SLC7A7: variants seen among roughly 807,000 people sequenced by gnomAD.
SLC7A7 encodes Y+L amino acid transporter 1.
Under a neutral mutation model 47.9 loss-of-function variants are expected in SLC7A7, and 39 were observed. The ratio of observed to expected loss-of-function variants is 0.81; its 90% CI spans 0.63 to 1.06. The LOEUF (loss-of-function observed/expected upper bound fraction) is 1.06. SLC7A7 is among the 50% of genes least tolerant of loss of function. SLC7A7 has a pLI of 0.00. For missense variants in SLC7A7, 588 were observed against 632.0 expected, an observed-to-expected ratio of 0.93 and a Z score of 0.75; for synonymous variants, 234 against 242.8, an observed-to-expected ratio of 0.96 and a Z score of 0.34.
intron 2 of SLC7A7, among the ~76,000 whole-genome samples, chr14:22,810,292 C>G (rs1480945606): frequency 1.3e-5 from 2 of 151,010 alleles, no homozygotes; most frequent in Non-Finnish European, 3.0e-5. Flanking sequence ...TGGAGAAACC[C>G]CATCTCTACT....
intron 1 of SLC7A7, 140 bp from the exon 2 acceptor site, chr14:22,813,580 A>AT: frequency 1.5e-6 from 1 of 679,172 alleles, no homozygotes; most frequent in Non-Finnish European, 2.6e-6. Context: ...CAGCTCACTC[A>AT]TCAAAACAAC....
chr14:22,804,463 A>G (rs568404487), intron 2 of SLC7A7, among the ~76,000 whole-genome samples: 12 of 152,212 alleles, frequency 7.9e-5, no homozygotes, highest in Non-Finnish European at 1.5e-4. Context: ...CAATCTATCC[A>G]TCTGAAAAAG....
At chr14:22,809,044 G>A (rs1387209992) in intron 2 of SLC7A7, among the ~76,000 whole-genome samples, 1 of 152,206 alleles carries the variant, frequency 6.6e-6, no homozygotes, top group Non-Finnish European at 1.5e-5. Context: ...CACAAGTGCT[G>A]TGCACCTTTC....
intron 1 of SLC7A7, chr14:22,814,687 G>A (rs2039378909): frequency 6.5e-6 from 1 of 152,830 alleles, no homozygotes; most frequent in South Asian, 2.1e-4. Context: ...ACAACATTAG[G>A]AACTGACCCT....
chr14:22,798,415 T>C (rs1489176274), intron 2 of SLC7A7, among the ~76,000 whole-genome samples: 2 of 152,174 alleles, frequency 1.3e-5, no homozygotes, highest in South Asian at 2.1e-4. Flanking sequence ...TTCCACGCTG[T>C]TCACCACCAT....
chr14:22,811,087 G>A (rs146857481), intron 2 of SLC7A7, among the ~76,000 whole-genome samples: 1 of 152,282 alleles, frequency 6.6e-6, no homozygotes, highest in Non-Finnish European at 1.5e-5. Context: ...GCAGAGATGA[G>A]TCCAGGCCAG....
chr14:22,813,514 A>G, intron 1 of SLC7A7, 74 bp from the exon 2 acceptor site: 1 of 1,327,680 alleles, frequency 7.5e-7, no homozygotes, highest in Non-Finnish European at 1.1e-6. Context: ...CCTCCAACAC[A>G]GGGTAATACG....
At chr14:22,784,022 A>G (rs1258769286) in intron 2 of SLC7A7, among the ~76,000 whole-genome samples, 1 of 152,180 alleles carries the variant, frequency 6.6e-6, no homozygotes, top group Non-Finnish European at 1.5e-5. Context: ...TCCCCACCTC[A>G]GCGGATACAG....
chr14:22,778,533 C>T (rs1396176066), intron 4 of SLC7A7, among the ~76,000 whole-genome samples: 3 of 151,840 alleles, frequency 2.0e-5, no homozygotes. Context: ...ATACAACCTG[C>T]TTTAATTAAT....
intron 2 of SLC7A7, among the ~76,000 whole-genome samples, chr14:22,809,272 G>A (rs1387681517): frequency 2.0e-5 from 3 of 151,860 alleles, no homozygotes; most frequent in African/African-American, 7.3e-5. Flanking sequence ...TCTGCTTCCC[G>A]GGTTCAAGCG....
chr14:22,795,687 A>G (rs2039010453), intron 2 of SLC7A7, among the ~76,000 whole-genome samples: 2 of 150,728 alleles, frequency 1.3e-5, no homozygotes, highest in Non-Finnish European at 3.0e-5. Flanking sequence ...GTTAGCCAGG[A>G]TGGTCTCAAT....
chr14:22,797,798 C>A (rs920669886), intron 2 of SLC7A7, among the ~76,000 whole-genome samples: 4 of 152,176 alleles, frequency 2.6e-5, no homozygotes, highest in Admixed American at 2.6e-4. Flanking sequence ...ATTTCAAGGT[C>A]TATTAGTAAT....
chr14:22,813,476 G>A, intron 1 of SLC7A7, 36 bp from the exon 2 acceptor site: 2 of 1,579,330 alleles, frequency 1.3e-6, no homozygotes, highest in Non-Finnish European at 1.7e-6. Context: ...AGATTAGGTG[G>A]TTGGCAATTA....
Position 22,813,226 on chromosome 14 carries a change from G to C in SLC7A7, c.173C>G (p.Ser58Cys). 2 of 1,613,876 alleles carry C rather than the reference G, an allele frequency of 1.2e-6. No homozygotes were observed. Among genetic ancestry groups the C allele is most frequent in the Non-Finnish European group, 1.7e-6 (2 of 1,179,814 alleles). ...ACTGTATATGAGCACACCCTTGGGG[G>C]AAACAAAGATGCCCGAGCCGATCAT... ...GNMIGSGIFV[S>C]PKGVLIYSAS... Residue 58 changes from serine to cysteine, a missense_variant, in exon 2 of 10, where the codon TCC (serine) becomes TGC (cysteine). Physicochemically the swap from Ser to Cys is moderately radical, Grantham distance 112. Coordinates refer to ENST00000674313, the MANE Select transcript of SLC7A7 (RefSeq NM_003982.4).
intron 2 of SLC7A7, among the ~76,000 whole-genome samples, chr14:22,809,703 T>C (rs1253562261): frequency 2.0e-5 from 3 of 152,020 alleles, no homozygotes; most frequent in African/African-American, 7.2e-5. Flanking sequence ...CCCAAAGTGC[T>C]AGGATTACAG....
intron 2 of SLC7A7, among the ~76,000 whole-genome samples, chr14:22,803,189 G>C (rs1263769488): frequency 3.3e-5 from 5 of 152,080 alleles, no homozygotes; most frequent in African/African-American, 9.7e-5. Context: ...GGAGACCAAG[G>C]CGGGCAGATC....
At position 22,809,883 on chromosome 14, in the gene SLC7A7, CA is replaced by C. The variant is rs566292589; in HGVS notation, c.499+3016del. On this transcript the variant is annotated intron_variant, in intron 2 of 9. Transcript: ENST00000674313. The stretch of plus-strand genomic sequence containing the variant: ...TGAAATCCCATCTCTTCTAAAAATA[CA>C]AAAAATTAGCTTGGCGTGGTGGCGG... 2.6e-5 allele frequency among the ~76,000 whole-genome samples: 4 copies of C among 151,600 alleles called. No homozygotes were observed. In the South Asian group the frequency reaches 8.3e-4, roughly 32 times the overall value.
upstream of SLC7A7, among the ~76,000 whole-genome samples, chr14:22,816,801 T>C (rs2039412886): frequency 1.3e-5 from 2 of 152,142 alleles, no homozygotes; most frequent in African/African-American, 4.8e-5. Flanking sequence ...ATCTCTACCA[T>C]ACATCCTCCC....
chr14:22,778,838 C>T lies in SLC7A7; in HGVS notation c.725G>A (p.Trp242Ter), dbSNP rs2038664064. The change falls in exon 4 of 10, where the codon TGG (tryptophan) becomes TAG (stop). Residue 242 changes from tryptophan to a stop codon, truncating the protein, a stop_gained. Coordinates refer to ENST00000674313, the MANE Select transcript of SLC7A7 (RefSeq NM_003982.4). LOFTEE classifies it high-confidence loss of function. Reference sequence around the variant, plus strand: ...TTCAGTGACATAGTTGAGGGTGTCCCAGCCTGAGTAGGAGAACAGAGCTGA... The same window carrying T: ...TTCAGTGACATAGTTGAGGGTGTCCTAGCCTGAGTAGGAGAACAGAGCTGA... The part of the protein sequence containing the change: ...LYSALFSYSG[W>*]DTLNYVTEEI... 6.2e-7 allele frequency: 1 copy of T among 1,614,164 alleles called. No individual in the cohort carries two copies. Among genetic ancestry groups the T allele is most frequent in the Non-Finnish European group, 8.5e-7 (1 of 1,180,034 alleles).
Sources: gnomAD v4.1 joint callset for allele counts (sites outside exome capture counted in the v4.1 genomes callset) on GRCh38, gnomAD v4.1.1 for gene constraint, MANE v1.5 for transcripts, NCBI Gene and HGNC (gene_info 2026-07-23, HGNC 2026-07-21) for gene names.